The following NUTF2 variants were observed in gnomAD, a reference collection of about 807,000 sequenced individuals.
NUTF2 encodes the protein placental protein 15.
Under a neutral mutation model 18.5 loss-of-function variants are expected in NUTF2, and 3 were observed. That is an observed-to-expected ratio of 0.16 (90% CI 0.07 to 0.42). The LOEUF is 0.42. Among genes scored for constraint, NUTF2 ranks in the 10% least tolerant of loss-of-function variants. The pLI, the probability that NUTF2 is intolerant of heterozygous loss-of-function variation, is 0.99. For synonymous variants in NUTF2, 51 were observed against 57.9 expected (o/e 0.88, Z 0.54); for missense variants, 44 against 160.7 (o/e 0.27, Z 3.93).
intron 1 of NUTF2, among the ~76,000 whole-genome samples, chr16:67,857,602 C>A (rs2057906458): frequency 6.6e-6 from 1 of 152,206 alleles, no homozygotes; most frequent in Non-Finnish European, 1.5e-5. Context: ...ACAGCTGGGT[C>A]CTGCTCCATA....
At chr16:67,868,207 C>A (rs2057987602) in intron 2 of NUTF2, 133 bp from the exon 3 acceptor site, 1 of 714,222 alleles carries the variant, frequency 1.4e-6, no homozygotes, top group Non-Finnish European at 2.4e-6. Flanking sequence ...TATACTCAGT[C>A]TCCTTCTTTA....
chr16:67,864,744 T>G (rs140276984), intron 1 of NUTF2, among the ~76,000 whole-genome samples: 1 of 151,972 alleles, frequency 6.6e-6, no homozygotes, highest in Non-Finnish European at 1.5e-5. Flanking sequence ...ACTGGAGGAG[T>G]GCTTAACTCC....
At chr16:67,858,526 G>A (rs376442925) in intron 1 of NUTF2, among the ~76,000 whole-genome samples, 101 of 152,284 alleles carry the variant, frequency 6.6e-4, no homozygotes, top group African/African-American at 2.1e-3. Flanking sequence ...GGTGACATTC[G>A]AGCTGGCACA....
At chr16:67,847,087 C>CA in intron 1 of NUTF2, 102 bp downstream of exon 1, 1 of 140,212 alleles carries the variant, frequency 7.1e-6, no homozygotes, top group Non-Finnish European at 1.6e-5. Flanking sequence ...GGCCCCTCCC[C>CA]TCCCCCCCCC....
intron 1 of NUTF2, among the ~76,000 whole-genome samples, chr16:67,848,132 C>T (rs747334723): frequency 9.2e-5 from 14 of 152,162 alleles, no homozygotes; most frequent in Non-Finnish European, 2.1e-4. Flanking sequence ...GAAGAGTTAT[C>T]TTTGACCAAA....
intron 1 of NUTF2, among the ~76,000 whole-genome samples, chr16:67,848,116 C>G (rs955538935): frequency 2.6e-5 from 4 of 152,204 alleles, no homozygotes. Context: ...CTACTGAGTT[C>G]TGGGGGAAGA....
intron 2 of NUTF2, among the ~76,000 whole-genome samples, chr16:67,865,844 G>A (rs549329378): frequency 6.6e-6 from 1 of 151,096 alleles, no homozygotes; most frequent in East Asian, 2.0e-4. Context: ...TCAGCCTCCC[G>A]AGTAGCTGGG....
intron 1 of NUTF2, among the ~76,000 whole-genome samples, chr16:67,852,023 A>C (rs2057863250): frequency 6.6e-6 from 1 of 152,142 alleles, no homozygotes. Flanking sequence ...TCTTGAAAAA[A>C]AAAAATTCAT....
At chr16:67,847,872 A>G (rs2057818711) in intron 1 of NUTF2, 1 of 152,090 alleles carries the variant, frequency 6.6e-6, no homozygotes, top group South Asian at 2.1e-4. Context: ...GAGGTTCTTG[A>G]GCCTAGTGCT....
intron 1 of NUTF2, among the ~76,000 whole-genome samples, chr16:67,858,079 C>T (rs1431672008): frequency 2.0e-5 from 3 of 152,206 alleles, no homozygotes; most frequent in Non-Finnish European, 4.4e-5. Flanking sequence ...AGACCGTAAA[C>T]AAATACCAAA....
chr16:67,855,598 GT>G (rs972463612), intron 1 of NUTF2, among the ~76,000 whole-genome samples: 12 of 152,242 alleles, frequency 7.9e-5, no homozygotes, highest in Admixed American at 3.9e-4. Context: ...TGGAATGTTT[GT>G]TTCTTAAAGT....
intron 2 of NUTF2, among the ~76,000 whole-genome samples, chr16:67,868,045 T>C (rs1485194086): frequency 6.6e-6 from 1 of 152,216 alleles, no homozygotes; most frequent in Non-Finnish European, 1.5e-5. Context: ...ATGGCTGAGC[T>C]CAGGCCAATA....
intron 1 of NUTF2, among the ~76,000 whole-genome samples, chr16:67,856,501 T>TC (rs1163248491): frequency 1.3e-5 from 2 of 149,052 alleles, no homozygotes; most frequent in Non-Finnish European, 3.0e-5. Flanking sequence ...AGTTTTTTTT[T>TC]TTTTTTGCTT....
At chr16:67,857,580 T>C (rs1419611563) in intron 1 of NUTF2, among the ~76,000 whole-genome samples, 2 of 152,190 alleles carry the variant, frequency 1.3e-5, no homozygotes, top group Non-Finnish European at 2.9e-5. Context: ...TAGGAACCCA[T>C]ACTGACTCCT....
intron 2 of NUTF2, among the ~76,000 whole-genome samples, chr16:67,867,802 C>T (rs1161508452): frequency 6.6e-6 from 1 of 152,226 alleles, no homozygotes; most frequent in Non-Finnish European, 1.5e-5. Flanking sequence ...ATTCTCCTGC[C>T]TCAGCCTCCT....
At chr16:67,863,944 A>G (rs2057951366) in intron 1 of NUTF2, among the ~76,000 whole-genome samples, 1 of 151,914 alleles carries the variant, frequency 6.6e-6, no homozygotes, top group Non-Finnish European at 1.5e-5. Flanking sequence ...CCTCTCAGAG[A>G]CCCGAGAGAG....
rs1464755715 is a variant in NUTF2 at position 67,868,579 on chromosome 16, A to T, written c.250A>T (p.Met84Leu). ...CACTCCAGATAGCTGCATCATCAGC[A>T]TGGTTGTGGGCCAGCTTAAGGTAAT... The part of the protein sequence containing the change: ...QPTPDSCIIS[M>L]VVGQLKADED... The change falls in exon 4 of 5, where the codon ATG (methionine) becomes TTG (leucine). Residue 84 changes from methionine to leucine, a missense_variant. Transcript: ENST00000219169. The T allele has an allele frequency of 6.2e-7, 1 of 1,613,980 alleles. No individual in the cohort carries two copies. Among genetic ancestry groups the T allele is most frequent in the Non-Finnish European group, 8.5e-7 (1 of 1,179,974 alleles).
rs1285199171 is a variant in NUTF2, at chr16:67,851,249, G to A, written c.-30+4264G>A. On this transcript the variant is annotated intron_variant, in intron 1 of 4. Coordinates refer to ENST00000219169, the MANE Select transcript of NUTF2 (RefSeq NM_005796.3). ...TGTAATCCCAGCACTTTGGGAGGGCGAGGTGGGCGGATCACGAGGTTAGGA... is the reference window on the plus strand; with the variant it reads ...TGTAATCCCAGCACTTTGGGAGGGCAAGGTGGGCGGATCACGAGGTTAGGA... Among the ~76,000 whole-genome samples, 8 of 152,050 alleles carry A rather than the reference G, an allele frequency of 5.3e-5. No individual in the cohort carries two copies. In the East Asian group the frequency reaches 7.8e-4, roughly 15 times the overall value.
intron 1 of NUTF2, among the ~76,000 whole-genome samples, chr16:67,859,558 A>G (rs572948441): frequency 3.1e-4 from 47 of 151,802 alleles, no homozygotes; most frequent in African/African-American, 9.2e-4. Context: ...GGATTTCTCT[A>G]TGTTGGCCAG....
Sources: gnomAD v4.1 joint callset for allele counts (sites outside exome capture counted in the v4.1 genomes callset) on GRCh38, gnomAD v4.1.1 for gene constraint, MANE v1.5 for transcripts, NCBI Gene and HGNC (gene_info 2026-07-23, HGNC 2026-07-21) for gene names.